Variants in FER observed in about 807,000 individuals in gnomAD.
The protein encoded by FER is tyrosine-protein kinase Fer.
A neutral mutation model predicts 111.0 loss-of-function variants in FER; 63 were observed. The observed-to-expected ratio is 0.57, with a 90% CI of 0.46 to 0.70. The LOEUF (loss-of-function observed/expected upper bound fraction) is 0.70. Among genes scored for constraint, FER ranks in the 30% least tolerant of loss-of-function variants. FER has a pLI of 0.00. For missense variants in FER, 914 were observed against 954.0 expected (o/e 0.96, Z 0.55); for synonymous variants, 327 against 313.9 (o/e 1.04, Z -0.44).
At chr5:109,006,003 G>C (rs1441637303) in intron 13 of FER, among the ~76,000 whole-genome samples, 1 of 152,148 alleles carries the variant, frequency 6.6e-6, no homozygotes, top group African/African-American at 2.4e-5. Context: ...TTTTTAACCA[G>C]TATTGATTAA....
intron 3 of FER, among the ~76,000 whole-genome samples, chr5:108,829,836 A>C (rs1015561197): frequency 6.6e-6 from 1 of 152,170 alleles, no homozygotes. Flanking sequence ...TTGAGGAGAC[A>C]TTATAAAAAA....
intron 10 of FER, among the ~76,000 whole-genome samples, chr5:108,933,486 G>C (rs942337891): frequency 6.6e-6 from 1 of 152,048 alleles, no homozygotes; most frequent in Admixed American, 6.6e-5. Context: ...ATGCTGTTTT[G>C]GTTACTGTAG....
chr5:108,993,792 G>T (rs544745622), intron 13 of FER, among the ~76,000 whole-genome samples: 23 of 152,210 alleles, frequency 1.5e-4, no homozygotes, highest in Non-Finnish European at 2.5e-4. Flanking sequence ...GCCAGCATCT[G>T]TTGTGTCTTA....
At chr5:108,903,726 T>TA (rs1435331301) in intron 10 of FER, among the ~76,000 whole-genome samples, 1 of 152,234 alleles carries the variant, frequency 6.6e-6, no homozygotes, top group African/African-American at 2.4e-5. Flanking sequence ...AGTTTACAGG[T>TA]AAATTAATTG....
At chr5:109,109,719 G>C (rs2150085696) in intron 17 of FER, among the ~76,000 whole-genome samples, 1 of 152,198 alleles carries the variant, frequency 6.6e-6, no homozygotes, top group African/African-American at 2.4e-5. Context: ...TGTCTGTTTA[G>C]CTGAAGATAC....
At chr5:108,964,379 A>T (rs1029328486) in intron 13 of FER, among the ~76,000 whole-genome samples, 23 of 152,310 alleles carry the variant, frequency 1.5e-4, no homozygotes, top group African/African-American at 5.1e-4. Flanking sequence ...GGTTGTATAA[A>T]GGGGTAATGG....
intron 5 of FER, among the ~76,000 whole-genome samples, chr5:108,860,132 A>G (rs903930103): frequency 6.6e-6 from 1 of 151,862 alleles, no homozygotes; most frequent in Non-Finnish European, 1.5e-5. Context: ...TAAGAGAGAC[A>G]GGGTTTCACC....
At chr5:108,992,523 C>G (rs1359491506) in intron 13 of FER, among the ~76,000 whole-genome samples, 1 of 149,092 alleles carries the variant, frequency 6.7e-6, no homozygotes, top group African/African-American at 2.5e-5. Context: ...CCACCTCCCT[C>G]CCGGACGGGG....
chr5:109,135,825 A>G (rs1316634568), intron 17 of FER, among the ~76,000 whole-genome samples: 3 of 152,154 alleles, frequency 2.0e-5, no homozygotes, highest in Non-Finnish European at 4.4e-5. Flanking sequence ...TTCTGCTACT[A>G]TAAGGTGAAG....
intron 9 of FER, among the ~76,000 whole-genome samples, chr5:108,885,923 C>G (rs193295722): frequency 6.6e-6 from 1 of 151,806 alleles, no homozygotes; most frequent in South Asian, 2.1e-4. Context: ...AAAACATCAC[C>G]CATTGCACAT....
chr5:108,894,339 A>G, intron 9 of FER: 1 of 962,922 alleles, frequency 1.0e-6, no homozygotes, highest in Non-Finnish European at 1.4e-6. Flanking sequence ...GAGGAGGAGG[A>G]GCCATCACTG....
chr5:108,901,374 G>A (rs1203309150), intron 10 of FER, among the ~76,000 whole-genome samples: 1 of 152,048 alleles, frequency 6.6e-6, no homozygotes, highest in Non-Finnish European at 1.5e-5. Flanking sequence ...AAGAATTAAA[G>A]CTGTGTAATA....
chr5:109,189,345 A>T lies in FER; in HGVS notation c.*1770A>T, dbSNP rs1357800217. 1 of 152,214 alleles carries T rather than the reference A, an allele frequency of 6.6e-6. No individual in the cohort carries two copies. The allele number at this position is 152,214 out of a possible 1,614,324, so 9.4% of individuals were successfully genotyped here. A position where few individuals can be genotyped will look rare whatever the true frequency, so the allele number is the denominator to read the frequency against. On this transcript the variant is annotated 3_prime_UTR_variant, in exon 20 of 20. Transcript: ENST00000281092. ...CTTAGTGATTATTTGGTCTGCATTC[A>T]TTGGAAGAGCTTAGGGATAGAAAAT...
intron 10 of FER, among the ~76,000 whole-genome samples, chr5:108,932,186 G>C (rs896782611): frequency 6.6e-6 from 1 of 152,000 alleles, no homozygotes; most frequent in Non-Finnish European, 1.5e-5. Flanking sequence ...CCTACCCCCT[G>C]ACAGGCCCTG....
intron 13 of FER, among the ~76,000 whole-genome samples, chr5:109,005,263 A>T (rs1221634917): frequency 3.9e-5 from 6 of 152,016 alleles, no homozygotes; most frequent in Admixed American, 6.6e-5. Context: ...TCCTCAAGTG[A>T]AGTCTGAGGA....
At chr5:108,999,739 T>C (rs1448837563) in intron 13 of FER, among the ~76,000 whole-genome samples, 4 of 151,378 alleles carry the variant, frequency 2.6e-5, no homozygotes, top group Non-Finnish European at 5.9e-5. Flanking sequence ...GTAGGTATGG[T>C]TTCAATTATG....
chr5:108,969,595 T>A (rs758818267), intron 13 of FER, among the ~76,000 whole-genome samples: 1 of 151,450 alleles, frequency 6.6e-6, no homozygotes, highest in Non-Finnish European at 1.5e-5. Flanking sequence ...TTACTTGTTA[T>A]ATTTTACATT....
At chr5:108,821,079 T>C (rs1286785765) in intron 3 of FER, among the ~76,000 whole-genome samples, 1 of 152,208 alleles carries the variant, frequency 6.6e-6, no homozygotes, top group Non-Finnish European at 1.5e-5. Flanking sequence ...TCCACTGTAC[T>C]CCAGCCTGGG....
chr5:109,113,860 A>G (rs1026847327), intron 17 of FER, among the ~76,000 whole-genome samples: 13 of 152,188 alleles, frequency 8.5e-5, no homozygotes, highest in Admixed American at 3.9e-4. Flanking sequence ...ATTTGCTCCA[A>G]AGAGCATATA....
Sources: allele counts gnomAD v4.1 joint callset (sites outside exome capture counted in the v4.1 genomes callset), GRCh38; gene constraint gnomAD v4.1.1; transcripts MANE v1.5; gene names NCBI Gene and HGNC (gene_info 2026-07-23, HGNC 2026-07-21).